Variants in DLG2 observed in about 807,000 individuals in gnomAD.
DLG2 encodes the protein discs large MAGUK scaffold protein 2.
DLG2 carries 45 observed loss-of-function variants against 132.5 expected under a neutral mutation model. That is an observed-to-expected ratio of 0.34 (90% CI 0.27 to 0.44). The LOEUF (loss-of-function observed/expected upper bound fraction) is 0.44, where lower values mean the gene tolerates loss of function less well. Among genes scored for constraint, DLG2 ranks in the 20% least tolerant of loss-of-function variants. The pLI is 1.00. For synonymous variants in DLG2, 424 were observed against 419.6 expected (o/e 1.01, Z -0.13); for missense variants, 1,045 against 1,196.9 (o/e 0.87, Z 1.87).
At chr11:84,548,127 G>C (rs2099394052) in intron 6 of DLG2, among the ~76,000 whole-genome samples, 1 of 152,102 alleles carries the variant, frequency 6.6e-6, no homozygotes, top group Admixed American at 6.5e-5. Context: ...TTAGCTGGTG[G>C]CTTCCTGGAG....
chr11:85,156,253 ATGTG>A lies in DLG2; in HGVS notation c.187-1606_187-1603del, dbSNP rs150539117. Among the ~76,000 whole-genome samples, 297 of 152,122 alleles carry A rather than the reference ATGTG, an allele frequency of 2.0e-3. 3 individuals carry two copies. The highest frequency in any genetic ancestry group is 6.7e-3 in the African/African-American group (279 of 41,504). On this transcript the variant is annotated intron_variant, in intron 4 of 27. Transcript: ENST00000376104. The stretch of plus-strand genomic sequence containing the variant: ...ATTACATAAATGTATATGTATATAT[ATGTG>A]TGTGTGTGTCTACATGTATGTGTTT...
chr11:85,563,560 T>C (rs901090672), intron 3 of DLG2, among the ~76,000 whole-genome samples: 2 of 151,792 alleles, frequency 1.3e-5, no homozygotes, highest in Admixed American at 6.6e-5. Flanking sequence ...TGGAATCATA[T>C]AGTATGTACT....
At chr11:83,925,854 A>G (rs1422875625) in intron 15 of DLG2, among the ~76,000 whole-genome samples, 1 of 152,100 alleles carries the variant, frequency 6.6e-6, no homozygotes, top group Non-Finnish European at 1.5e-5. Flanking sequence ...AAGCTGAAAA[A>G]CTTACTCTCC....
intron 14 of DLG2, among the ~76,000 whole-genome samples, chr11:83,959,588 T>G (rs2087919870): frequency 6.6e-6 from 1 of 152,082 alleles, no homozygotes; most frequent in African/African-American, 2.4e-5. Context: ...GTTAACATAT[T>G]AAAACTTCAC....
intron 9 of DLG2, among the ~76,000 whole-genome samples, chr11:84,146,791 G>T (rs7115103): frequency 0.071 from 10,762 of 152,184 alleles, 521 homozygotes; most frequent in African/African-American, 0.14. Context: ...GGCTCATGTA[G>T]ACATAGGAAA....
chr11:83,751,798 T>C (rs2093327625), intron 18 of DLG2, among the ~76,000 whole-genome samples: 1 of 152,188 alleles, frequency 6.6e-6, no homozygotes, highest in African/African-American at 2.4e-5. Flanking sequence ...ATGTTTAAGA[T>C]ACTTACTAGA....
chr11:83,539,403 T>C (rs1220127558), intron 20 of DLG2, among the ~76,000 whole-genome samples: 1 of 152,112 alleles, frequency 6.6e-6, no homozygotes, highest in Non-Finnish European at 1.5e-5. Context: ...AAGAAATTAA[T>C]GATTGAAAAA....
intron 6 of DLG2, among the ~76,000 whole-genome samples, chr11:84,861,121 A>C (rs949837055): frequency 1.3e-5 from 2 of 152,170 alleles, no homozygotes; most frequent in African/African-American, 4.8e-5. Context: ...AGGCTGCTAT[A>C]GGAACAAAAA....
chr11:84,346,973 G>A (rs1284763682), intron 7 of DLG2, among the ~76,000 whole-genome samples: 1 of 152,026 alleles, frequency 6.6e-6, no homozygotes, highest in African/African-American at 2.4e-5. Flanking sequence ...TAGGATAGTC[G>A]TTTCACTAAA....
intron 6 of DLG2, among the ~76,000 whole-genome samples, chr11:85,082,988 C>T (rs1403753430): frequency 6.6e-6 from 1 of 151,812 alleles, no homozygotes; most frequent in Non-Finnish European, 1.5e-5. Flanking sequence ...AAGATAAAAC[C>T]TCAATTTAGC....
At chr11:85,270,461 T>C (rs777103001) in intron 4 of DLG2, among the ~76,000 whole-genome samples, 7 of 152,112 alleles carry the variant, frequency 4.6e-5, no homozygotes, top group Non-Finnish European at 8.8e-5. Context: ...AACAAGCTAA[T>C]ACAGTAATTT....
At chr11:84,683,271 C>A (rs889603678) in intron 6 of DLG2, among the ~76,000 whole-genome samples, 3 of 152,124 alleles carry the variant, frequency 2.0e-5, no homozygotes, top group Non-Finnish European at 4.4e-5. Context: ...ATTTTAGGTT[C>A]TCCTTGGTTT....
chr11:84,502,714 A>G (rs1029970671), intron 7 of DLG2, among the ~76,000 whole-genome samples: 15 of 152,010 alleles, frequency 9.9e-5, no homozygotes, highest in African/African-American at 3.6e-4. Context: ...TTTTCTTAAA[A>G]TTCTCTGAAC....
rs539537353 is a variant in DLG2 at position 84,983,157 on chromosome 11, C to T, written c.357+128504G>A. On this transcript the variant is annotated intron_variant, in intron 6 of 27. Transcript: ENST00000376104. Reference sequence around the variant, plus strand: ...AGTGTGTGGAGGCTTGCATTGTGAACTTTTGTTCCAAAATGACTGCAGGAA... The same window carrying T: ...AGTGTGTGGAGGCTTGCATTGTGAATTTTTGTTCCAAAATGACTGCAGGAA... 5.1e-4 allele frequency among the ~76,000 whole-genome samples: 78 copies of T among 152,282 alleles called. No homozygotes were observed. The South Asian group carries it at 0.015, about 30-fold the overall frequency.
At chr11:83,742,439 G>T (rs1057334049) in intron 18 of DLG2, among the ~76,000 whole-genome samples, 1 of 152,102 alleles carries the variant, frequency 6.6e-6, no homozygotes, top group African/African-American at 2.4e-5. Flanking sequence ...GCAGGAGAAG[G>T]TTAATTTTCC....
chr11:85,250,560 A>G (rs1360636672), intron 4 of DLG2, among the ~76,000 whole-genome samples: 1 of 152,166 alleles, frequency 6.6e-6, no homozygotes, highest in Admixed American at 6.6e-5. Context: ...TTCTTGCAAG[A>G]AGATTATTAT....
chr11:84,939,955 T>C (rs1437466592), intron 6 of DLG2, among the ~76,000 whole-genome samples: 1 of 152,180 alleles, frequency 6.6e-6, no homozygotes, highest in African/African-American at 2.4e-5. Context: ...GTGTGTTTGC[T>C]GGGTCATATA....
At chr11:84,673,809 T>A (rs1394555777) in intron 6 of DLG2, among the ~76,000 whole-genome samples, 1 of 152,058 alleles carries the variant, frequency 6.6e-6, no homozygotes, top group Admixed American at 6.6e-5. Context: ...TTATAGGGAC[T>A]TCCTCATCTA....
At chr11:84,250,418 C>T (rs1023675209) in intron 8 of DLG2, among the ~76,000 whole-genome samples, 3 of 152,188 alleles carry the variant, frequency 2.0e-5, no homozygotes, top group Non-Finnish European at 2.9e-5. Flanking sequence ...GTGTTTTACT[C>T]ATTTAATCAA....
Sources: gnomAD v4.1 joint callset for allele counts (sites outside exome capture counted in the v4.1 genomes callset) on GRCh38, gnomAD v4.1.1 for gene constraint, MANE v1.5 for transcripts, NCBI Gene and HGNC (gene_info 2026-07-23, HGNC 2026-07-21) for gene names.